The following PRKCA variants were observed in gnomAD, a reference collection of about 807,000 sequenced individuals.
PRKCA encodes the protein protein kinase C alpha.
A neutral mutation model predicts 87.0 loss-of-function variants in PRKCA; 27 were observed. The observed-to-expected ratio is 0.31, with a 90% CI of 0.23 to 0.43. PRKCA has a LOEUF of 0.43. PRKCA is among the 20% of genes least tolerant of loss of function. The pLI is 1.00. For synonymous variants in PRKCA, 329 were observed against 311.1 expected, an observed-to-expected ratio of 1.06 and a Z score of -0.61; for missense variants, 518 against 852.3, an observed-to-expected ratio of 0.61 and a Z score of 4.88.
chr17:66,659,475 A>G (rs527571106), intron 5 of PRKCA, among the ~76,000 whole-genome samples: 4 of 152,258 alleles, frequency 2.6e-5, no homozygotes, highest in Admixed American at 2.6e-4. Context: ...CAGTACTTTG[A>G]GAGGCGGAAG....
At chr17:66,572,476 A>T (rs183033989) in intron 3 of PRKCA, among the ~76,000 whole-genome samples, 92 of 150,330 alleles carry the variant, frequency 6.1e-4, no homozygotes, top group African/African-American at 2.2e-3. Flanking sequence ...CAGGGGGAGG[A>T]AAAAAAAAAG....
chr17:66,687,558 G>A (rs1391572314), intron 6 of PRKCA, among the ~76,000 whole-genome samples: 2 of 152,192 alleles, frequency 1.3e-5, no homozygotes, highest in African/African-American at 2.4e-5. Context: ...AGCTAAAAAT[G>A]TGTCAGGTGT....
intron 16 of PRKCA, among the ~76,000 whole-genome samples, chr17:66,799,568 A>G (rs868009473): frequency 8.4e-3 from 12 of 1,424 alleles, no homozygotes; most frequent in African/African-American, 0.038. Context: ...GGTGGTGGTG[A>G]TGGTGGTGGT....
At chr17:66,596,587 T>G (rs1301736937) in intron 3 of PRKCA, among the ~76,000 whole-genome samples, 1 of 149,150 alleles carries the variant, frequency 6.7e-6, no homozygotes, top group Non-Finnish European at 1.5e-5. Context: ...TTTTTTTTTT[T>G]TTTTTATTAT....
chr17:66,782,523 G>A (rs1380241459), intron 14 of PRKCA, among the ~76,000 whole-genome samples: 1 of 152,168 alleles, frequency 6.6e-6, no homozygotes, highest in East Asian at 1.9e-4. Context: ...GAGGGAGGCA[G>A]CCTGATTCCC....
chr17:66,711,691 C>T (rs75374954), intron 8 of PRKCA, among the ~76,000 whole-genome samples: 1 of 152,196 alleles, frequency 6.6e-6, no homozygotes, highest in East Asian at 1.9e-4. Context: ...AAATTTAAAC[C>T]CTCAAATGCT....
At chr17:66,725,080 C>A (rs908375160) in intron 8 of PRKCA, among the ~76,000 whole-genome samples, 4 of 152,178 alleles carry the variant, frequency 2.6e-5, no homozygotes, top group Non-Finnish European at 5.9e-5. Flanking sequence ...GCTGGCCTGG[C>A]TAACTAGTCT....
chr17:66,463,503 C>A (rs1724083987), intron 2 of PRKCA, among the ~76,000 whole-genome samples: 1 of 152,052 alleles, frequency 6.6e-6, no homozygotes. Flanking sequence ...TCAAGCGATT[C>A]TCCTGCCTCA....
chr17:66,792,011 T>C lies in PRKCA; in HGVS notation c.1854+3032T>C, dbSNP rs556654629. Among the ~76,000 whole-genome samples the C allele has an allele frequency of 6.6e-6, 1 of 152,366 alleles. No homozygotes were observed. The highest frequency in any genetic ancestry group is 2.1e-4 in the South Asian group (1 of 4,826). On this transcript the variant is annotated intron_variant, in intron 16 of 16. Coordinates refer to ENST00000413366, the MANE Select transcript of PRKCA (RefSeq NM_002737.3). The surrounding 1 kb of genome is among the most constrained non-coding windows in gnomAD (Gnocchi z 4.5). The stretch of plus-strand genomic sequence containing the variant: ...GCAATGCCAGCCTAAATAGTGCTGC[T>C]GGAGAAACGATCAGGCAAATGTCAC...
chr17:66,317,801 T>C (rs1905400696), intron 2 of PRKCA, among the ~76,000 whole-genome samples: 1 of 152,220 alleles, frequency 6.6e-6, no homozygotes, highest in Non-Finnish European at 1.5e-5. Flanking sequence ...TAAATCATTT[T>C]CCTCCTTTTG....
intron 3 of PRKCA, among the ~76,000 whole-genome samples, chr17:66,543,538 A>G (rs890929855): frequency 1.3e-5 from 2 of 152,142 alleles, no homozygotes; most frequent in Admixed American, 1.3e-4. Flanking sequence ...TTAAATTTAT[A>G]TATTTGAACT....
chr17:66,403,040 G>A (rs1205762826), intron 2 of PRKCA, among the ~76,000 whole-genome samples: 1 of 152,046 alleles, frequency 6.6e-6, no homozygotes, highest in Non-Finnish European at 1.5e-5. Context: ...TATTATCACG[G>A]TTTGAGCTGT....
intron 5 of PRKCA, among the ~76,000 whole-genome samples, chr17:66,658,996 A>G (rs1179004682): frequency 2.0e-5 from 3 of 152,200 alleles, no homozygotes; most frequent in Admixed American, 2.0e-4. Flanking sequence ...TAAGCTGAGG[A>G]TATTAACCTT....
chr17:66,724,736 G>C (rs1057093723), intron 8 of PRKCA, among the ~76,000 whole-genome samples: 4 of 152,188 alleles, frequency 2.6e-5, no homozygotes, highest in Admixed American at 6.5e-5. Context: ...TGCTTCCTCA[G>C]GTTTTCTGAA....
chr17:66,791,175 T>G (rs1975525755), intron 16 of PRKCA, among the ~76,000 whole-genome samples: 1 of 146,050 alleles, frequency 6.8e-6, no homozygotes, highest in Non-Finnish European at 1.5e-5. Flanking sequence ...TTTAACTGAA[T>G]GCTCGTTAAA....
intron 3 of PRKCA, among the ~76,000 whole-genome samples, chr17:66,512,245 C>T (rs1917264432): frequency 6.6e-6 from 1 of 152,114 alleles, no homozygotes. Flanking sequence ...TATGTATACC[C>T]AGCCTGGCCA....
chr17:66,802,555 A>C lies in PRKCA; in HGVS notation c.1855-1318A>C, dbSNP rs139730182. Among the ~76,000 whole-genome samples the C allele has an allele frequency of 1.5e-4, 23 of 152,050 alleles. No individual in the cohort carries two copies. The East Asian group carries it at 4.5e-3, about 29-fold the overall frequency. On this transcript the variant is annotated intron_variant, in intron 16 of 16. Coordinates refer to ENST00000413366, the MANE Select transcript of PRKCA (RefSeq NM_002737.3). ...AAAAAACGAAAGTAGGTTCTCAAGC[A>C]CACCTCCTAGAAGATAAAGTGTGAA...
chr17:66,593,058 G>A (rs1171045339), intron 3 of PRKCA, among the ~76,000 whole-genome samples: 1 of 152,176 alleles, frequency 6.6e-6, no homozygotes, highest in Non-Finnish European at 1.5e-5. Context: ...CCAAAGTGCT[G>A]GGATTATAGG....
At chr17:66,410,487 A>G (rs752328992) in intron 2 of PRKCA, among the ~76,000 whole-genome samples, 1 of 152,168 alleles carries the variant, frequency 6.6e-6, no homozygotes, top group Non-Finnish European at 1.5e-5. Flanking sequence ...ATTACACCTT[A>G]GCTTAAAAAA....
Sources: allele counts gnomAD v4.1 joint callset (sites outside exome capture counted in the v4.1 genomes callset), GRCh38; gene constraint gnomAD v4.1.1; non-coding constraint Gnocchi (gnomAD v3.1); transcripts MANE v1.5; gene names NCBI Gene and HGNC (gene_info 2026-07-23, HGNC 2026-07-21).